GRSF1: variants seen among roughly 807,000 people sequenced by gnomAD.
GRSF1 encodes G-rich RNA sequence binding factor 1.
In GRSF1, 50 loss-of-function variants were observed where a neutral mutation model predicts 51.1. The observed-to-expected ratio is 0.98, with a 90% CI of 0.78 to 1.24. The LOEUF (loss-of-function observed/expected upper bound fraction) is 1.24, where lower values mean the gene tolerates loss of function less well. Ranked by LOEUF, GRSF1 falls within the 50% of genes most tolerant of loss-of-function variation. The pLI is 0.00. For synonymous variants in GRSF1, 293 were observed against 253.3 expected, an observed-to-expected ratio of 1.16 and a Z score of -1.49; for missense variants, 700 against 639.7, an observed-to-expected ratio of 1.09 and a Z score of -1.02.
rs758156560 is a variant in GRSF1, at chr4:70,819,932, T to C, written c.*955A>G. The C allele has an allele frequency of 2.0e-5, 3 of 152,700 alleles. No homozygotes were observed. Among genetic ancestry groups the C allele is most frequent in the Non-Finnish European group, 4.4e-5 (3 of 68,048 alleles). 9.5% of individuals were successfully genotyped at this position (152,700 alleles called of 1,614,324 possible). A position where few individuals can be genotyped will look rare whatever the true frequency, so the allele number is the denominator to read the frequency against. ...ACCCTTCACACAATTATACATTAAA[T>C]GCTATTTTTATTTAAGCAAGGCACC... On this transcript the variant is annotated 3_prime_UTR_variant, in exon 10 of 10. Coordinates refer to ENST00000254799, the MANE Select transcript of GRSF1 (RefSeq NM_002092.4).
intron 5 of GRSF1, among the ~76,000 whole-genome samples, chr4:70,828,736 AT>A (rs35686810): frequency 0.029 from 3,922 of 133,252 alleles, 167 homozygotes; most frequent in African/African-American, 0.1. Flanking sequence ...CACACTGCTA[AT>A]TTTTTTTTTT....
intron 7 of GRSF1, 73 bp downstream of exon 7, chr4:70,826,051 C>A: frequency 7.7e-7 from 1 of 1,305,150 alleles, no homozygotes; most frequent in South Asian, 1.3e-5. Context: ...TCTACCTTCC[C>A]CAAATTAATA....
In GRSF1 at chr4:70,827,791, T is replaced by A. The variant is rs1733794927; in HGVS notation, c.1135+61A>T. ...AGACTTCATCTCAAAAAAAAAAAAA[T>A]CACAAAACCCAAAACATTCAAGATA... On this transcript the variant is annotated intron_variant, in intron 6 of 9. Transcript: ENST00000254799. The A allele has an allele frequency of 8.1e-6, 10 of 1,230,570 alleles. No homozygotes were observed. The East Asian group carries it at 2.2e-4, about 27-fold the overall frequency. The allele number at this position is 1,230,570 out of a possible 1,614,324, so 76.2% of individuals were successfully genotyped here.
rs577909875 is a variant in GRSF1, at chr4:70,823,974, C to CTTTTTTTTTTTTTTTTTTTTTTTT, written c.*25+319_*25+320insAAAAAAAAAAAAAAAAAAAAAAAA. ...AAATAATTTCCACAGTTGTATCTCT[C>CTTTTTTTTTTTTTTTTTTTTTTTT]TCTTTTTTTTTTTTTTTTTTGAGTC... On this transcript the variant is annotated intron_variant, in intron 9 of 9. Transcript: ENST00000254799. Among the ~76,000 whole-genome samples, 10 of 100,930 alleles carry CTTTTTTTTTTTTTTTTTTTTTTTT rather than the reference C, an allele frequency of 9.9e-5. 5 individuals are homozygous for CTTTTTTTTTTTTTTTTTTTTTTTT. Among genetic ancestry groups the CTTTTTTTTTTTTTTTTTTTTTTTT allele is most frequent in the Non-Finnish European group, 7.5e-5 (4 of 53,520 alleles). 66.2% of individuals were successfully genotyped at this position (100,930 alleles called of 152,430 possible). A position where few individuals can be genotyped will look rare whatever the true frequency, so the allele number is the denominator to read the frequency against.
chr4:70,835,080 T>C (rs1343298398), intron 2 of GRSF1, among the ~76,000 whole-genome samples: 1 of 152,150 alleles, frequency 6.6e-6, no homozygotes, highest in African/African-American at 2.4e-5. Context: ...TTGCTTAGGA[T>C]AATGGTCTCC....
chr4:70,830,356 G>A (rs545149483), intron 5 of GRSF1, among the ~76,000 whole-genome samples: 17 of 151,604 alleles, frequency 1.1e-4, no homozygotes, highest in South Asian at 8.3e-4. Context: ...GAGGCGAGAC[G>A]ATTGCTTGAG....
At chr4:70,831,898 T>A (rs1240288003) in intron 4 of GRSF1, among the ~76,000 whole-genome samples, 1 of 126,090 alleles carries the variant, frequency 7.9e-6, no homozygotes, top group East Asian at 2.3e-4. Context: ...AAACATACAA[T>A]TCTCCCCACC....
chr4:70,830,107 A>G (rs1023863381), intron 5 of GRSF1, among the ~76,000 whole-genome samples: 1 of 152,162 alleles, frequency 6.6e-6, no homozygotes, highest in Non-Finnish European at 1.5e-5. Flanking sequence ...GGGGGGAAGA[A>G]TAAGTAAGGG....
Position 70,833,121 on chromosome 4 carries a change from C to T in GRSF1, c.667G>A (p.Glu223Lys), listed in dbSNP as rs1348748111. 1 of 1,613,368 alleles carries T rather than the reference C, an allele frequency of 6.2e-7. No homozygotes were observed. The highest frequency in any genetic ancestry group is 1.3e-5 in the African/African-American group (1 of 75,034). Residue 223 changes from glutamate (E) to lysine (K), a missense_variant, in exon 3 of 10, where the codon GAA (glutamate) becomes AAA (lysine). Coordinates refer to ENST00000254799, the MANE Select transcript of GRSF1 (RefSeq NM_002092.4). ...HRMYMGQRYV[E>K]VYEINNEDVD... is the part of the protein sequence containing the mutation. ...GCCATAATCTGACTTCACATACCTT[C>T]CACATACCGCTGGCCCATGTACATG... is the stretch of plus-strand genomic sequence containing the variant.
chr4:70,832,176 G>T, intron 4 of GRSF1, 131 bp downstream of exon 4: 1 of 537,534 alleles, frequency 1.9e-6, no homozygotes, highest in Non-Finnish European at 3.1e-6. Flanking sequence ...AAATTTAAGT[G>T]AAGAGCTCTC....
chr4:70,831,271 C>T (rs1733955177), intron 5 of GRSF1, among the ~76,000 whole-genome samples: 1 of 151,760 alleles, frequency 6.6e-6, no homozygotes, highest in Non-Finnish European at 1.5e-5. Flanking sequence ...AGGAGAATCG[C>T]TTAAACCAGG....
intron 2 of GRSF1, among the ~76,000 whole-genome samples, chr4:70,833,756 TA>T (rs138987025): frequency 0.027 from 4,083 of 152,246 alleles, 80 homozygotes; most frequent in Middle Eastern, 0.054. Flanking sequence ...TGGGCTTAAG[TA>T]ATCCTCCCAC....
At chr4:70,841,131 AC>A (rs1734446626), upstream of GRSF1, among the ~76,000 whole-genome samples, 1 of 152,108 alleles carries the variant, frequency 6.6e-6, no homozygotes, top group Non-Finnish European at 1.5e-5. Flanking sequence ...CCCCGTCTAT[AC>A]AAAAAATAAA....
intron 9 of GRSF1, among the ~76,000 whole-genome samples, chr4:70,823,431 A>T (rs186667183): frequency 3.3e-4 from 50 of 151,368 alleles, no homozygotes; most frequent in East Asian, 3.1e-3. Context: ...AATAAAATTT[A>T]AAAAAAATGA....
In GRSF1 at chr4:70,827,733, C is replaced by T. The variant is rs990303771; in HGVS notation, c.1135+119G>A. The T allele has an allele frequency of 1.1e-4, 77 of 692,824 alleles. No homozygotes were observed. In the Admixed American group the frequency reaches 1.8e-3, roughly 16 times the overall value. The allele number at this position is 692,824 out of a possible 1,614,324, so 42.9% of individuals were successfully genotyped here. ...GGTAGAGGCTGCAGTCAGCCGAGAT[C>T]GCACCACTGCACTCCAGCCTGGCAA... On this transcript the variant is annotated intron_variant, in intron 6 of 9. Coordinates refer to ENST00000254799, the MANE Select transcript of GRSF1 (RefSeq NM_002092.4).
chr4:70,841,727 A>T (rs895557705), upstream of GRSF1, among the ~76,000 whole-genome samples: 2 of 152,236 alleles, frequency 1.3e-5, no homozygotes, highest in African/African-American at 4.8e-5. Flanking sequence ...AGTATTTCTT[A>T]GAAAACCCTT....
Position 70,817,377 on chromosome 4 carries a change from T to C in GRSF1, c.*3510A>G, listed in dbSNP as rs1168899382. Reference sequence around the variant, plus strand: ...GATGTCAGCCACCACACCTAGCCTATTCTTGATTTTCATATAATCAGGCTT... The same window carrying C: ...GATGTCAGCCACCACACCTAGCCTACTCTTGATTTTCATATAATCAGGCTT... On this transcript the variant is annotated 3_prime_UTR_variant, in exon 10 of 10. Coordinates refer to ENST00000254799, the MANE Select transcript of GRSF1 (RefSeq NM_002092.4). 6.6e-6 allele frequency: 1 copy of C among 152,144 alleles called. No individual in the cohort carries two copies. 9.4% of individuals were successfully genotyped at this position (152,144 alleles called of 1,614,324 possible).
intron 1 of GRSF1, chr4:70,838,950 G>A (rs1734339591): frequency 3.1e-5 from 11 of 359,942 alleles, no homozygotes; most frequent in South Asian, 2.5e-4. Context: ...AGAGGGAACG[G>A]CGCGATGGGG....
intron 3 of GRSF1, 90 bp downstream of exon 3, chr4:70,833,028 C>G: frequency 5.4e-6 from 6 of 1,119,524 alleles, no homozygotes; most frequent in Non-Finnish European, 7.8e-6. Flanking sequence ...AATCTAAATA[C>G]TTCATTATTA....
Sources: allele counts gnomAD v4.1 joint callset (sites outside exome capture counted in the v4.1 genomes callset), GRCh38; gene constraint gnomAD v4.1.1; transcripts MANE v1.5; gene names NCBI Gene and HGNC (gene_info 2026-07-23, HGNC 2026-07-21).